ADGRB3: variants seen among roughly 807,000 people sequenced by gnomAD.
The protein encoded by ADGRB3 is adhesion G protein-coupled receptor B3.
ADGRB3 carries 37 observed loss-of-function variants against 193.4 expected under a neutral mutation model. That is an observed-to-expected ratio of 0.19 (90% CI 0.15 to 0.25). The LOEUF (loss-of-function observed/expected upper bound fraction) is 0.25, where lower values mean the gene tolerates loss of function less well. Ranked by LOEUF, ADGRB3 falls within the 10% of genes least tolerant of loss-of-function variation. The pLI, the probability that ADGRB3 is intolerant of heterozygous loss-of-function variation, is 1.00. For missense variants in ADGRB3, 1,637 were observed against 1,852.9 expected (o/e 0.88, Z 2.14); for synonymous variants, 690 against 644.2 (o/e 1.07, Z -1.08).
chr6:68,849,931 A>C (rs994472802), intron 3 of ADGRB3, among the ~76,000 whole-genome samples: 21 of 150,668 alleles, frequency 1.4e-4, no homozygotes, highest in Admixed American at 7.9e-4. Flanking sequence ...TTACAATAGA[A>C]TGATTTTTTA....
chr6:68,884,268 G>C (rs772263209), intron 3 of ADGRB3, among the ~76,000 whole-genome samples: 6 of 152,218 alleles, frequency 3.9e-5, no homozygotes, highest in Non-Finnish European at 8.8e-5. Flanking sequence ...TGTGTCAGGA[G>C]AGTGAAGAGC....
chr6:68,849,097 A>T (rs1277214205), intron 3 of ADGRB3, among the ~76,000 whole-genome samples: 2 of 151,976 alleles, frequency 1.3e-5, no homozygotes, highest in Admixed American at 1.3e-4. Flanking sequence ...TTTATTCGGA[A>T]GGTTTTGAAA....
chr6:68,855,899 C>T (rs951147218), intron 3 of ADGRB3, among the ~76,000 whole-genome samples: 1 of 152,146 alleles, frequency 6.6e-6, no homozygotes, highest in African/African-American at 2.4e-5. Context: ...TGGTTTGGCT[C>T]TGTGACCCCA....
At chr6:69,206,419 A>G (rs1765542856) in intron 17 of ADGRB3, among the ~76,000 whole-genome samples, 1 of 152,042 alleles carries the variant, frequency 6.6e-6, no homozygotes, top group African/African-American at 2.4e-5. Context: ...AATACTTTGT[A>G]TTCTTCAATT....
At chr6:68,999,831 G>A (rs1489121228) in intron 11 of ADGRB3, among the ~76,000 whole-genome samples, 2 of 152,012 alleles carry the variant, frequency 1.3e-5, no homozygotes, top group African/African-American at 4.8e-5. Context: ...GGTACTTGAA[G>A]CATGTAGACA....
At chr6:68,801,079 G>C (rs556571571) in intron 3 of ADGRB3, among the ~76,000 whole-genome samples, 1 of 152,256 alleles carries the variant, frequency 6.6e-6, no homozygotes, top group African/African-American at 2.4e-5. Flanking sequence ...ATGTTTGTAG[G>C]CTTAATTAAT....
At chr6:69,346,387 G>T (rs1048473434) in intron 26 of ADGRB3, among the ~76,000 whole-genome samples, 2 of 152,080 alleles carry the variant, frequency 1.3e-5, no homozygotes, top group African/African-American at 2.4e-5. Flanking sequence ...TACCAAAACA[G>T]ATATATAGAC....
chr6:68,925,778 A>T (rs1767162700), intron 3 of ADGRB3, among the ~76,000 whole-genome samples: 2 of 152,054 alleles, frequency 1.3e-5, no homozygotes, highest in Non-Finnish European at 2.9e-5. Context: ...ATTTCAAAGG[A>T]TCAGGCCATG....
chr6:69,351,239 C>G (rs942842436), intron 26 of ADGRB3, among the ~76,000 whole-genome samples: 7 of 151,812 alleles, frequency 4.6e-5, no homozygotes, highest in Non-Finnish European at 8.8e-5. Context: ...ATTACAGGCA[C>G]CTGCCACCAC....
chr6:68,638,417 T>C (rs2127274034), intron 2 of ADGRB3, among the ~76,000 whole-genome samples: 1 of 152,366 alleles, frequency 6.6e-6, no homozygotes, highest in African/African-American at 2.4e-5. Context: ...ATTAATAATC[T>C]ATTAAATGTT....
chr6:68,955,257 C>T (rs1028696408), intron 6 of ADGRB3, among the ~76,000 whole-genome samples: 2 of 152,200 alleles, frequency 1.3e-5, no homozygotes, highest in Non-Finnish European at 2.9e-5. Flanking sequence ...CTCTCTGGAC[C>T]TTCCAAAGTC....
In ADGRB3 at chr6:68,918,684, T is replaced by C. The variant is rs143877118; in HGVS notation, c.758-11875T>C. On this transcript the variant is annotated intron_variant, in intron 3 of 31. Coordinates refer to ENST00000370598, the MANE Select transcript of ADGRB3 (RefSeq NM_001704.3). ...GGCAGGGGTTGCATACATTTCTGCCTGTCCACTCATCCACTTATTTCATCC... is the reference window on the plus strand; with the variant it reads ...GGCAGGGGTTGCATACATTTCTGCCCGTCCACTCATCCACTTATTTCATCC... 3.9e-5 allele frequency among the ~76,000 whole-genome samples: 6 copies of C among 152,318 alleles called. No individual in the cohort carries two copies. In the East Asian group the frequency reaches 1.2e-3, roughly 29 times the overall value.
At chr6:68,937,340 C>A (rs574790514) in intron 5 of ADGRB3, among the ~76,000 whole-genome samples, 1 of 152,110 alleles carries the variant, frequency 6.6e-6, no homozygotes, top group Non-Finnish European at 1.5e-5. Context: ...AGTTGATGCA[C>A]GCATGCATAT....
rs35018732 is a variant in ADGRB3, at chr6:68,774,154, ATT to A, written c.757+134732_757+134733del. On this transcript the variant is annotated intron_variant, in intron 3 of 31. Coordinates refer to ENST00000370598, the MANE Select transcript of ADGRB3 (RefSeq NM_001704.3). The stretch of plus-strand genomic sequence containing the variant: ...CATAAAACTTAGTATTTAAAATGTT[ATT>A]TTTTTTTTTAGAAAATTACCTTGTG... Among the ~76,000 whole-genome samples, 1,294 of 150,900 alleles carry A rather than the reference ATT, an allele frequency of 8.6e-3. 14 individuals are homozygous for A. Among genetic ancestry groups the A allele is most frequent in the African/African-American group, 0.018 (749 of 41,170 alleles).
At chr6:69,132,041 A>G (rs1279910947) in intron 17 of ADGRB3, among the ~76,000 whole-genome samples, 1 of 151,980 alleles carries the variant, frequency 6.6e-6, no homozygotes, top group East Asian at 1.9e-4. Flanking sequence ...GAGCATTTGG[A>G]TTGGTTCCAA....
intron 3 of ADGRB3, among the ~76,000 whole-genome samples, chr6:68,823,530 CA>C (rs1348151133): frequency 6.6e-6 from 1 of 151,952 alleles, no homozygotes; most frequent in African/African-American, 2.4e-5. Flanking sequence ...ATGTTTCAGA[CA>C]TAAAACATGA....
intron 17 of ADGRB3, among the ~76,000 whole-genome samples, chr6:69,102,984 G>A (rs1213026466): frequency 1.3e-5 from 2 of 152,090 alleles, no homozygotes; most frequent in Admixed American, 6.6e-5. Context: ...TTCATGCTGA[G>A]TATTTTGTTT....
rs146260767 is a variant in ADGRB3 at position 69,064,536 on chromosome 6, T to G, written c.2436+1500T>G. Reference sequence around the variant, plus strand: ...TGAGAACTGGGAGACATTTTTAACTTCTGAACATTTGCTTTTGAATAAAGA... The same window carrying G: ...TGAGAACTGGGAGACATTTTTAACTGCTGAACATTTGCTTTTGAATAAAGA... On this transcript the variant is annotated intron_variant, in intron 16 of 31. Coordinates refer to ENST00000370598, the MANE Select transcript of ADGRB3 (RefSeq NM_001704.3). Among the ~76,000 whole-genome samples, 268 of 152,198 alleles carry G rather than the reference T, an allele frequency of 1.8e-3. 1 individual carries two copies. Among genetic ancestry groups the G allele is most frequent in the African/African-American group, 6.0e-3 (251 of 41,562 alleles).
At chr6:68,843,057 A>AAAC (rs1554203958) in intron 3 of ADGRB3, among the ~76,000 whole-genome samples, 4 of 151,456 alleles carry the variant, frequency 2.6e-5, no homozygotes, top group South Asian at 4.2e-4. Flanking sequence ...ACAACAAAAA[A>AAAC]AAAAACAGGA....
Sources: allele counts gnomAD v4.1 joint callset (sites outside exome capture counted in the v4.1 genomes callset), GRCh38; gene constraint gnomAD v4.1.1; transcripts MANE v1.5; gene names NCBI Gene and HGNC (gene_info 2026-07-23, HGNC 2026-07-21).